Variants in TBC1D22A observed in about 807,000 individuals in gnomAD.
TBC1D22A encodes putative GTPase activator.
A neutral mutation model predicts 60.2 loss-of-function variants in TBC1D22A; 38 were observed. That is an observed-to-expected ratio of 0.63 (90% CI 0.49 to 0.83). The LOEUF is 0.83. Among genes scored for constraint, TBC1D22A ranks in the 40% least tolerant of loss-of-function variants. The pLI is 0.00. For missense variants in TBC1D22A, 628 were observed against 701.0 expected (o/e 0.90, Z 1.18); for synonymous variants, 302 against 281.7 (o/e 1.07, Z -0.72).
intron 11 of TBC1D22A, among the ~76,000 whole-genome samples, chr22:47,055,327 T>A (rs2063357967): frequency 1.3e-5 from 2 of 152,124 alleles, no homozygotes; most frequent in Admixed American, 1.3e-4. Context: ...TTGGAGCAGG[T>A]GGGTGGTTAA....
chr22:46,913,252 A>G, intron 8 of TBC1D22A: 1 of 1,069,202 alleles, frequency 9.4e-7, no homozygotes, highest in Non-Finnish European at 1.3e-6. Context: ...TAGTCACAGC[A>G]TTTTAATTTA....
intron 11 of TBC1D22A, among the ~76,000 whole-genome samples, chr22:47,052,562 G>A (rs922426555): frequency 1.3e-5 from 2 of 152,152 alleles, no homozygotes; most frequent in Admixed American, 6.5e-5. Flanking sequence ...CACACAGCAC[G>A]GTGTGCCCAG....
At chr22:46,814,973 A>G (rs2085531896) in intron 4 of TBC1D22A, among the ~76,000 whole-genome samples, 1 of 152,170 alleles carries the variant, frequency 6.6e-6, no homozygotes, top group Non-Finnish European at 1.5e-5. Context: ...TATTTTAAAT[A>G]ATGTCTTTTC....
intron 6 of TBC1D22A, among the ~76,000 whole-genome samples, chr22:46,891,743 C>T (rs1245338206): frequency 6.6e-6 from 1 of 152,182 alleles, no homozygotes; most frequent in African/African-American, 2.4e-5. Flanking sequence ...AAGGCCATTC[C>T]TAAAGGCCCA....
intron 10 of TBC1D22A, among the ~76,000 whole-genome samples, chr22:47,020,328 A>G (rs1366058136): frequency 6.6e-6 from 1 of 152,162 alleles, no homozygotes; most frequent in Non-Finnish European, 1.5e-5. Context: ...CAGGATTCTC[A>G]GCCATACAGT....
At chr22:46,919,082 C>T (rs567356165) in intron 8 of TBC1D22A, among the ~76,000 whole-genome samples, 215 of 152,288 alleles carry the variant, frequency 1.4e-3, no homozygotes, top group African/African-American at 4.9e-3. Context: ...GTGTAACCAT[C>T]AGCACCTTTG....
Position 46,913,307 on chromosome 22 carries a change from C to G in TBC1D22A, c.1015+1119C>G, listed in dbSNP as rs2070092725. ...GCAAGCCTTCTGGACTTGGTGCTCG[C>G]CTGTTGTTATTACATGGTGTTTTTA... On this transcript the variant is annotated intron_variant, in intron 8 of 12. Coordinates refer to ENST00000337137, the MANE Select transcript of TBC1D22A (RefSeq NM_014346.5). 3 of 1,362,612 alleles carry G rather than the reference C, an allele frequency of 2.2e-6. No homozygotes were observed. The African/African-American group carries it at 4.4e-5, about 20-fold the overall frequency. The allele number at this position is 1,362,612 out of a possible 1,614,324, so 84.4% of individuals were successfully genotyped here.
chr22:46,797,936 A>G (rs1411400090), intron 4 of TBC1D22A, among the ~76,000 whole-genome samples: 1 of 152,076 alleles, frequency 6.6e-6, no homozygotes, highest in East Asian at 1.9e-4. Flanking sequence ...CAGTGGTGTG[A>G]TCATAGCTCA....
At chr22:46,896,631 T>G (rs548959826) in intron 7 of TBC1D22A, among the ~76,000 whole-genome samples, 1 of 152,346 alleles carries the variant, frequency 6.6e-6, no homozygotes, top group Admixed American at 6.5e-5. Context: ...TTTCTGTCAC[T>G]GCCACATTCA....
At chr22:46,805,785 G>A (rs1043698094) in intron 4 of TBC1D22A, among the ~76,000 whole-genome samples, 6 of 151,250 alleles carry the variant, frequency 4.0e-5, no homozygotes, top group African/African-American at 4.9e-5. Flanking sequence ...GTCTCTCACC[G>A]CCCCCCCACA....
chr22:47,166,497 C>A (rs2068214598), intron 12 of TBC1D22A, among the ~76,000 whole-genome samples: 1 of 152,242 alleles, frequency 6.6e-6, no homozygotes, highest in South Asian at 2.1e-4. Flanking sequence ...AGAGTGTGTT[C>A]TGCACAGACC....
chr22:47,073,237 G>A (rs935014262), intron 11 of TBC1D22A, among the ~76,000 whole-genome samples: 27 of 152,204 alleles, frequency 1.8e-4, no homozygotes, highest in African/African-American at 5.3e-4. Flanking sequence ...GTACTTTGTG[G>A]AAACCATATC....
At chr22:46,881,129 A>G (rs746010649) in intron 5 of TBC1D22A, among the ~76,000 whole-genome samples, 2 of 152,100 alleles carry the variant, frequency 1.3e-5, no homozygotes, top group East Asian at 1.9e-4. Flanking sequence ...CAGCCGCCCT[A>G]CTGCCATCCC....
rs139744473 is a variant in TBC1D22A at position 46,962,057 on chromosome 22, C to G, written c.1016-12233C>G. 1.6e-3 allele frequency among the ~76,000 whole-genome samples: 247 copies of G among 152,294 alleles called. 2 individuals are homozygous for G. The highest frequency in any genetic ancestry group is 5.8e-3 in the African/African-American group (240 of 41,558). On this transcript the variant is annotated intron_variant, in intron 8 of 12. Transcript: ENST00000337137. ...ACAGGCCTCTTGCAAGTCAGCAGGGCTGACTGTGGCCGGCCCTCTGGTCCT... is the reference window on the plus strand; with the variant it reads ...ACAGGCCTCTTGCAAGTCAGCAGGGGTGACTGTGGCCGGCCCTCTGGTCCT...
At chr22:46,799,015 G>T (rs1601911423) in intron 4 of TBC1D22A, among the ~76,000 whole-genome samples, 1 of 147,896 alleles carries the variant, frequency 6.8e-6, no homozygotes, top group Middle Eastern at 3.4e-3. Context: ...TCTCAGAGTG[G>T]GTGGTTGTTT....
chr22:46,866,497 G>A (rs1402586812), intron 4 of TBC1D22A, among the ~76,000 whole-genome samples: 1 of 152,234 alleles, frequency 6.6e-6, no homozygotes, highest in Non-Finnish European at 1.5e-5. Flanking sequence ...CAAGCGGCAA[G>A]CAAAGCTGTC....
chr22:46,980,679 A>G (rs1569300484), intron 9 of TBC1D22A, among the ~76,000 whole-genome samples: 1 of 96,960 alleles, frequency 1.0e-5, no homozygotes, highest in Non-Finnish European at 2.0e-5. Context: ...GATAGAATTT[A>G]AAAAATAGAA....
At chr22:47,132,246 G>A in intron 12 of TBC1D22A, among the ~76,000 whole-genome samples, 1 of 152,148 alleles carries the variant, frequency 6.6e-6, no homozygotes. Flanking sequence ...AGGCCTGGCG[G>A]TTGCACCCCA....
chr22:47,061,468 C>T (rs1569405935), intron 11 of TBC1D22A, among the ~76,000 whole-genome samples: 1 of 152,144 alleles, frequency 6.6e-6, no homozygotes, highest in South Asian at 2.1e-4. Flanking sequence ...GCCACCAGCA[C>T]TTGGCAGAGC....
Sources: gnomAD v4.1 joint callset for allele counts (sites outside exome capture counted in the v4.1 genomes callset) on GRCh38, gnomAD v4.1.1 for gene constraint, MANE v1.5 for transcripts, NCBI Gene and HGNC (gene_info 2026-07-23, HGNC 2026-07-21) for gene names.